ZSWIM9: variants seen among roughly 807,000 people sequenced by gnomAD.
The protein encoded by ZSWIM9 is uncharacterized protein ZSWIM9.
ZSWIM9 carries 11 observed loss-of-function variants against 25.0 expected under a neutral mutation model. The observed-to-expected ratio is 0.44, with a 90% CI of 0.28 to 0.73. ZSWIM9 has a LOEUF of 0.73. ZSWIM9 is among the 30% of genes least tolerant of loss of function. The pLI, the probability that ZSWIM9 is intolerant of heterozygous loss-of-function variation, is 0.16. For synonymous variants in ZSWIM9, 562 were observed against 582.1 expected, an observed-to-expected ratio of 0.97 and a Z score of 0.50; for missense variants, 1,070 against 1,296.5, an observed-to-expected ratio of 0.83 and a Z score of 2.68.
chr19:48,175,041 C>A (rs538374310), intron 2 of ZSWIM9, among the ~76,000 whole-genome samples: 2 of 152,238 alleles, frequency 1.3e-5, no homozygotes, highest in East Asian at 1.9e-4. Context: ...GTCAGCTCCA[C>A]CTGAAAGCTT....
Position 48,194,613 on chromosome 19 carries a change from C to T in ZSWIM9, c.589-40C>T. 7 of 1,398,754 alleles carry T rather than the reference C, an allele frequency of 5.0e-6. No homozygotes were observed. The highest frequency in any genetic ancestry group is 6.5e-6 in the Non-Finnish European group (7 of 1,074,016). The allele number at this position is 1,398,754 out of a possible 1,614,324, so 86.6% of individuals were successfully genotyped here. On this transcript the variant is annotated intron_variant, in intron 3 of 3. Transcript: ENST00000614654. The surrounding 1 kb of genome is among the most constrained non-coding windows in gnomAD (Gnocchi z 6.0). ...GAGCTGGGCGGGGAGACCCCAGCAT[C>T]CTCTGACCTCTTTCCTTGCCTCCCT...
At position 48,187,939 on chromosome 19, in the gene ZSWIM9, A is replaced by G. The variant is rs574476692; in HGVS notation, c.588+5172A>G. On this transcript the variant is annotated intron_variant, in intron 3 of 3. Coordinates refer to ENST00000614654, the MANE Select transcript of ZSWIM9 (RefSeq NM_199341.4). ...CTTGACAACAGAGTGAGACCCTTTAAATAGATAGATAGATAGATAGATAGA... is the reference window on the plus strand; with the variant it reads ...CTTGACAACAGAGTGAGACCCTTTAGATAGATAGATAGATAGATAGATAGA... Among the ~76,000 whole-genome samples, 64 of 140,272 alleles carry G rather than the reference A, an allele frequency of 4.6e-4. 2 individuals are homozygous for G. The South Asian group carries it at 7.5e-3, about 16-fold the overall frequency. The allele number at this position is 140,272 out of a possible 152,430, so 92.0% of individuals were successfully genotyped here.
At position 48,196,047 on chromosome 19, in the gene ZSWIM9, A is replaced by G. The variant is rs1050695929; in HGVS notation, c.1983A>G (p.Arg661=). The G allele has an allele frequency of 5.5e-6, 7 of 1,261,340 alleles. No homozygotes were observed. The African/African-American group carries it at 9.3e-5, about 17-fold the overall frequency. 78.1% of individuals were successfully genotyped at this position (1,261,340 alleles called of 1,614,324 possible). Residue 661 remains arginine (R), a synonymous_variant, in exon 4 of 4, where the codon AGA becomes AGG. Coordinates refer to ENST00000614654, the MANE Select transcript of ZSWIM9 (RefSeq NM_199341.4). ...AGAAGGGGAGGGGGCTGGAGGTCAG[A>G]AACTTGAGGGGGATCCCCTTGGAGA... The part of the protein sequence containing the change: ...EVEKGRGLEV[R]NLRGIPLEKS...
Position 48,182,275 on chromosome 19 carries a change from C to T in ZSWIM9, c.276-180C>T. The T allele has an allele frequency of 1.7e-6, 1 of 603,412 alleles. No individual in the cohort carries two copies. The highest frequency in any genetic ancestry group is 2.9e-6 in the Non-Finnish European group (1 of 343,892). 37.4% of individuals were successfully genotyped at this position (603,412 alleles called of 1,614,324 possible). A position where few individuals can be genotyped will look rare whatever the true frequency, so the allele number is the denominator to read the frequency against. On this transcript the variant is annotated intron_variant, in intron 2 of 3. Coordinates refer to ENST00000614654, the MANE Select transcript of ZSWIM9 (RefSeq NM_199341.4). The surrounding 1 kb of genome is among the most constrained non-coding windows in gnomAD (Gnocchi z 4.6). ...ACCTTCCTTGTAACCTATGAGGAAA[C>T]TGAGGCATAGAGACTTGAAGTGACT...
intron 2 of ZSWIM9, chr19:48,181,105 G>A (rs1482781773): frequency 4.0e-5 from 6 of 151,784 alleles, no homozygotes; most frequent in East Asian, 3.9e-4. Context: ...AAGTTTTTTC[G>A]AAGTAGACTT....
chr19:48,178,430 T>G (rs944913540), intron 2 of ZSWIM9, among the ~76,000 whole-genome samples: 1 of 152,114 alleles, frequency 6.6e-6, no homozygotes, highest in Non-Finnish European at 1.5e-5. Flanking sequence ...GGAAAAAGCA[T>G]AGGAGGGCTT....
chr19:48,172,189 C>T (rs2036837959), intron 2 of ZSWIM9, 112 bp downstream of exon 2: 1 of 1,059,802 alleles, frequency 9.4e-7, no homozygotes, highest in Non-Finnish European at 1.3e-6. Flanking sequence ...GGGGAGAGGC[C>T]AACTGAGGCA....
intron 2 of ZSWIM9, among the ~76,000 whole-genome samples, chr19:48,172,716 A>AT (rs1448439337): frequency 1.3e-5 from 2 of 152,082 alleles, no homozygotes; most frequent in African/African-American, 2.4e-5. Flanking sequence ...GGGTTTCACC[A>AT]TGTTGGCCAG....
At chr19:48,173,843 G>T (rs934847105) in intron 2 of ZSWIM9, among the ~76,000 whole-genome samples, 1 of 152,100 alleles carries the variant, frequency 6.6e-6, no homozygotes, top group Non-Finnish European at 1.5e-5. Flanking sequence ...GGCCAGGCTG[G>T]TCTTGAACTC....
chr19:48,171,985 G>A lies in ZSWIM9; in HGVS notation c.183G>A (p.Ala61=), dbSNP rs1391040521. 7 of 1,532,198 alleles carry A rather than the reference G, an allele frequency of 4.6e-6. No individual in the cohort carries two copies. The highest frequency in any genetic ancestry group is 1.7e-4 in the Middle Eastern group (1 of 6,002). The allele number at this position is 1,532,198 out of a possible 1,614,324, so 94.9% of individuals were successfully genotyped here. A position where few individuals can be genotyped will look rare whatever the true frequency, so the allele number is the denominator to read the frequency against. The change falls in exon 2 of 4, where the codon GCG becomes GCA. Residue 61 remains alanine (A), a synonymous_variant. Transcript: ENST00000614654. ...MHLARCRWAS[A]PPLYTLIDVL... ...TGGCGCGCTGCCGCTGGGCCAGTGC[G>A]CCCCCGCTCTACACGCTCATCGACG... is the stretch of plus-strand genomic sequence containing the variant.
In ZSWIM9 at chr19:48,196,791, G is replaced by GCTCAGGGATTGCTGGGGGAGAGA; in HGVS notation, c.2749_2750insACTCAGGGATTGCTGGGGGAGAG (p.Ala917AspfsTer71). 8.1e-7 allele frequency: 1 copy of GCTCAGGGATTGCTGGGGGAGAGA among 1,236,350 alleles called. No homozygotes were observed. 76.6% of individuals were successfully genotyped at this position (1,236,350 alleles called of 1,614,324 possible). A position where few individuals can be genotyped will look rare whatever the true frequency, so the allele number is the denominator to read the frequency against. ...GGGCTGCCTTATTCCACATGGACCTGCTCAGGGATTGCTGGGGGAGAGCCC... is the reference window on the plus strand; with the variant it reads ...GGGCTGCCTTATTCCACATGGACCTGCTCAGGGATTGCTGGGGGAGAGACTCAGGGATTGCTGGGGGAGAGCCC... On this transcript the variant is annotated frameshift_variant, in exon 4 of 4. Coordinates refer to ENST00000614654, the MANE Select transcript of ZSWIM9 (RefSeq NM_199341.4). LOFTEE classifies it high-confidence loss of function.
intron 2 of ZSWIM9, among the ~76,000 whole-genome samples, chr19:48,177,906 G>T (rs1475406301): frequency 1.3e-5 from 2 of 152,116 alleles, no homozygotes; most frequent in African/African-American, 4.8e-5. Context: ...CATTATTTTT[G>T]TATTTTTTGA....
At chr19:48,187,009 C>G (rs1199071797) in intron 3 of ZSWIM9, among the ~76,000 whole-genome samples, 1 of 152,010 alleles carries the variant, frequency 6.6e-6, no homozygotes, top group Non-Finnish European at 1.5e-5. Flanking sequence ...GCCCTCAGTT[C>G]GTCTTTATTT....
At chr19:48,192,140 G>A (rs1017713943) in intron 3 of ZSWIM9, among the ~76,000 whole-genome samples, 1 of 151,686 alleles carries the variant, frequency 6.6e-6, no homozygotes, top group Non-Finnish European at 1.5e-5. Context: ...CCTTGGCCTG[G>A]GGGCTGTCTC....
chr19:48,196,608 T>C lies in ZSWIM9; in HGVS notation c.2544T>C (p.His848=). The C allele has an allele frequency of 8.1e-7, 1 of 1,232,386 alleles. No homozygotes were observed. The highest frequency in any genetic ancestry group is 3.2e-5 in the East Asian group (1 of 31,702). The allele number at this position is 1,232,386 out of a possible 1,614,324, so 76.3% of individuals were successfully genotyped here. A position where few individuals can be genotyped will look rare whatever the true frequency, so the allele number is the denominator to read the frequency against. The change falls in exon 4 of 4, where the codon CAT becomes CAC. Residue 848 remains histidine, a synonymous_variant. Coordinates refer to ENST00000614654, the MANE Select transcript of ZSWIM9 (RefSeq NM_199341.4). Reference sequence around the variant, plus strand: ...AGGAGTTGGCCTTTGCTAGGCAGCATGGGACCCGGGGTTTCCACTGGACCG... The same window carrying C: ...AGGAGTTGGCCTTTGCTAGGCAGCACGGGACCCGGGGTTTCCACTGGACCG... ...VAEELAFARQ[H]GTRGFHWTGA... is the part of the protein sequence containing the mutation.
Position 48,182,541 on chromosome 19 carries a change from C to G in ZSWIM9, c.362C>G (p.Thr121Ser), listed in dbSNP as rs905285922. Residue 121 changes from threonine (T) to serine (S), a missense_variant, in exon 3 of 4, where the codon ACC (threonine) becomes AGC (serine). This residue lies in a region of ZSWIM9 where 265 missense variants were observed against 339.0 expected (regional missense o/e 0.78). Transcript: ENST00000614654. This position sits in a 1 kb window ranked among gnomAD's most constrained non-coding sequence, Gnocchi z 4.6. ...CTCGTGGTGACGGAGTGCCAGCTGA[C>G]CCACTCACACCCGGCCTGCCCGCTG... ...DRLVVTECQLTHSHPACPLEF... is the reference protein window; with the variant it reads ...DRLVVTECQLSHSHPACPLEF... 1.3e-6 allele frequency: 2 copies of G among 1,535,794 alleles called. No homozygotes were observed. The highest frequency in any genetic ancestry group is 2.7e-5 in the African/African-American group (2 of 73,024).
chr19:48,180,741 TTTTTTC>T (rs2036939086), intron 2 of ZSWIM9: 1 of 147,656 alleles, frequency 6.8e-6, no homozygotes, highest in Non-Finnish European at 1.5e-5. Context: ...TTCTTTTTCT[TTTTTTC>T]TTTTTTCTTT....
intron 3 of ZSWIM9, among the ~76,000 whole-genome samples, chr19:48,192,387 T>C (rs2037102668): frequency 7.4e-6 from 1 of 136,030 alleles, no homozygotes. Context: ...GAGGCAGAGG[T>C]TGCAGTGAGC....
rs2037184236 is a variant in ZSWIM9 at position 48,197,559 on chromosome 19, AG to A, written c.*736del. On this transcript the variant is annotated 3_prime_UTR_variant, in exon 4 of 4. Coordinates refer to ENST00000614654, the MANE Select transcript of ZSWIM9 (RefSeq NM_199341.4). ...ACTGGGGGTCAGGAGAGTCTCCAGC[AG>A]GGGAGGGGAATTGTTTGGACTATTG... is the stretch of plus-strand genomic sequence containing the variant. 2.2e-6 allele frequency: 1 copy of A among 456,120 alleles called. No individual in the cohort carries two copies. 28.3% of individuals were successfully genotyped at this position (456,120 alleles called of 1,614,324 possible).
Sources: gnomAD v4.1 joint callset for allele counts (sites outside exome capture counted in the v4.1 genomes callset) on GRCh38, gnomAD v4.1.1 for gene constraint, gnomAD v4.1.1 regional missense constraint, Gnocchi (gnomAD v3.1) non-coding constraint, MANE v1.5 for transcripts, NCBI Gene and HGNC (gene_info 2026-07-23, HGNC 2026-07-21) for gene names.